PREX2: variants seen among roughly 807,000 people sequenced by gnomAD.
PREX2 encodes phosphatidylinositol 3,4,5-trisphosphate-dependent Rac exchanger 2 protein.
PREX2 carries 107 observed loss-of-function variants against 203.2 expected under a neutral mutation model. The observed-to-expected ratio is 0.53, with a 90% confidence interval of 0.45 to 0.62. The LOEUF is 0.62. Among genes scored for constraint, PREX2 ranks in the 20% least tolerant of loss-of-function variants. PREX2 has a pLI of 0.00. For synonymous variants in PREX2, 672 were observed against 663.6 expected (o/e 1.01, Z -0.19); for missense variants, 1,777 against 1,955.9 (o/e 0.91, Z 1.72).
rs761143863 is a variant in PREX2 at position 68,161,218 on chromosome 8, C to T, written c.4346+3782C>T. ...CAAATGATTCTCCTGCCTCAGCCTA[C>T]CAAGTAGCTGGGACTACAGGCACTT... On this transcript the variant is annotated intron_variant, in intron 35 of 39. Coordinates refer to ENST00000288368, the MANE Select transcript of PREX2 (RefSeq NM_024870.4). Among the ~76,000 whole-genome samples the T allele has an allele frequency of 1.1e-4, 16 of 152,116 alleles. No individual in the cohort carries two copies. In the South Asian group the frequency reaches 1.5e-3, roughly 14 times the overall value.
intron 27 of PREX2, 88 bp from the exon 28 acceptor site, chr8:68,119,344 C>T: frequency 4.8e-6 from 4 of 834,388 alleles, no homozygotes; most frequent in East Asian, 2.5e-5. Flanking sequence ...TTAATTTTTA[C>T]ATTTTATTGA....
At chr8:68,044,239 C>T (rs1808277921) in intron 7 of PREX2, among the ~76,000 whole-genome samples, 1 of 152,060 alleles carries the variant, frequency 6.6e-6, no homozygotes, top group South Asian at 2.1e-4. Flanking sequence ...CACTCTCCCA[C>T]CTGTGTACTA....
At chr8:68,118,247 C>T (rs919471367) in intron 26 of PREX2, among the ~76,000 whole-genome samples, 24 of 150,754 alleles carry the variant, frequency 1.6e-4, no homozygotes, top group Admixed American at 1.5e-3. Context: ...CCCAGCTACT[C>T]GGGAGGCTGA....
chr8:68,174,705 G>C (rs1321325641), intron 35 of PREX2, among the ~76,000 whole-genome samples: 1 of 151,950 alleles, frequency 6.6e-6, no homozygotes, highest in African/African-American at 2.4e-5. Context: ...CTTTCACCTT[G>C]TCTTTTTTGT....
rs570068618 is a variant in PREX2 at position 68,209,704 on chromosome 8, T to C, written c.4605-7912T>C. Among the ~76,000 whole-genome samples the C allele has an allele frequency of 4.6e-5, 7 of 152,320 alleles. No homozygotes were observed. In the South Asian group the frequency reaches 1.5e-3, roughly 32 times the overall value. On this transcript the variant is annotated intron_variant, in intron 37 of 39. Coordinates refer to ENST00000288368, the MANE Select transcript of PREX2 (RefSeq NM_024870.4). ...AATTCTACATTGGGGAAAAACTTAC[T>C]GATTTCAAATTCGTTAACAAATATT...
At chr8:67,997,768 C>T (rs1363850204) in intron 1 of PREX2, among the ~76,000 whole-genome samples, 13 of 152,040 alleles carry the variant, frequency 8.6e-5, no homozygotes, top group African/African-American at 3.1e-4. Context: ...GATATCAGTT[C>T]TCAATATCTT....
intron 34 of PREX2, among the ~76,000 whole-genome samples, chr8:68,147,127 T>A (rs1387608204): frequency 6.6e-6 from 1 of 152,222 alleles, no homozygotes; most frequent in Non-Finnish European, 1.5e-5. Context: ...TTTCTCTGAA[T>A]GATACCATAG....
intron 21 of PREX2, among the ~76,000 whole-genome samples, chr8:68,094,630 A>T (rs575381745): frequency 6.6e-6 from 1 of 152,326 alleles, no homozygotes; most frequent in South Asian, 2.1e-4. Flanking sequence ...TTGTTACACT[A>T]TTAGGTTCCT....
intron 3 of PREX2, 115 bp from the exon 4 acceptor site, chr8:68,021,921 G>A (rs1807579553): frequency 1.6e-6 from 1 of 628,456 alleles, no homozygotes. Context: ...TATACACGCA[G>A]TATAGCTCTT....
chr8:68,156,152 C>G (rs1214026805), intron 34 of PREX2, among the ~76,000 whole-genome samples: 1 of 152,144 alleles, frequency 6.6e-6, no homozygotes, highest in Non-Finnish European at 1.5e-5. Context: ...CTTCAAAATC[C>G]TGGGCTCAAG....
intron 34 of PREX2, among the ~76,000 whole-genome samples, chr8:68,149,406 C>T (rs925351915): frequency 6.6e-6 from 1 of 152,214 alleles, no homozygotes; most frequent in African/African-American, 2.4e-5. Context: ...GTAAGGAACA[C>T]AGAAACAGCT....
At chr8:68,175,412 A>G (rs1404994815) in intron 35 of PREX2, among the ~76,000 whole-genome samples, 1 of 152,088 alleles carries the variant, frequency 6.6e-6, no homozygotes, top group African/African-American at 2.4e-5. Context: ...GTCGGAGAGG[A>G]TGCATATTCT....
At chr8:68,159,511 T>TA (rs1269423063) in intron 35 of PREX2, among the ~76,000 whole-genome samples, 1 of 152,102 alleles carries the variant, frequency 6.6e-6, no homozygotes, top group Non-Finnish European at 1.5e-5. Flanking sequence ...GCAGTACTTG[T>TA]AAAAAATGGG....
At chr8:67,979,588 T>A (rs971378965) in intron 1 of PREX2, among the ~76,000 whole-genome samples, 2 of 152,220 alleles carry the variant, frequency 1.3e-5, no homozygotes, top group Non-Finnish European at 2.9e-5. Flanking sequence ...GACATGGAAA[T>A]TCAAATTAAT....
At chr8:68,052,939 A>T (rs1236490474) in intron 8 of PREX2, among the ~76,000 whole-genome samples, 158 bp from the exon 9 acceptor site, 1 of 152,214 alleles carries the variant, frequency 6.6e-6, no homozygotes, top group African/African-American at 2.4e-5. Flanking sequence ...GCATTCTTAA[A>T]GTTTTTAAAT....
At chr8:68,156,121 C>G (rs192592883) in intron 34 of PREX2, among the ~76,000 whole-genome samples, 1 of 152,276 alleles carries the variant, frequency 6.6e-6, no homozygotes, top group African/African-American at 2.4e-5. Context: ...AGTCCAGTGG[C>G]ACGATCCTAG....
intron 6 of PREX2, 130 bp downstream of exon 6, chr8:68,030,788 T>C: frequency 1.2e-6 from 1 of 845,862 alleles, no homozygotes; most frequent in East Asian, 2.6e-5. Context: ...TGTAGTCAAT[T>C]CTGAAAAGTG....
rs372243032 is a variant in PREX2, at chr8:68,217,667, C to G, written c.4656C>G (p.His1552Gln). 1 of 1,614,136 alleles carries G rather than the reference C, an allele frequency of 6.2e-7. No homozygotes were observed. Among genetic ancestry groups the G allele is most frequent in the Admixed American group, 1.7e-5 (1 of 60,034 alleles). The change falls in exon 38 of 40, where the codon CAC (histidine) becomes CAG (glutamine). Residue 1552 changes from histidine to glutamine, a missense_variant. Physicochemically the swap from His to Gln is conservative, Grantham distance 24 (BLOSUM62 0). Transcript: ENST00000288368. ...AAGCCATCATTCTGGCCAGAAGCCACGGACTGCCACCTCGTTACATCATGC... is the reference window on the plus strand; with the variant it reads ...AAGCCATCATTCTGGCCAGAAGCCAGGGACTGCCACCTCGTTACATCATGC... ...LEQAIILARS[H>Q]GLPPRYIMQA... is the part of the protein sequence containing the mutation.
chr8:68,118,991 A>G (rs922447102), intron 27 of PREX2, among the ~76,000 whole-genome samples: 9 of 152,230 alleles, frequency 5.9e-5, no homozygotes, highest in African/African-American at 2.2e-4. Flanking sequence ...AGTTTGAAGC[A>G]TTTAAGACAG....
Sources: allele counts gnomAD v4.1 joint callset (sites outside exome capture counted in the v4.1 genomes callset), GRCh38; gene constraint gnomAD v4.1.1; transcripts MANE v1.5; gene names NCBI Gene and HGNC (gene_info 2026-07-23, HGNC 2026-07-21).